TPD52: variants seen among roughly 807,000 people sequenced by gnomAD.
The protein encoded by TPD52 is tumor protein D52, also known as prostate and colon associated protein.
In TPD52, 17 loss-of-function variants were observed where a neutral mutation model predicts 31.3. The observed-to-expected ratio is 0.54, with a 90% confidence interval of 0.37 to 0.82. The LOEUF (loss-of-function observed/expected upper bound fraction) is 0.82. Ranked by LOEUF, TPD52 falls within the 40% of genes least tolerant of loss-of-function variation. The pLI is 0.00. For synonymous variants in TPD52, 83 were observed against 89.6 expected (o/e 0.93, Z 0.42); for missense variants, 212 against 240.1 (o/e 0.88, Z 0.77).
At chr8:80,129,573 T>C (rs921628606) in intron 1 of TPD52, among the ~76,000 whole-genome samples, 3 of 152,214 alleles carry the variant, frequency 2.0e-5, no homozygotes, top group African/African-American at 7.2e-5. Flanking sequence ...TGCATGTTGT[T>C]GTTTTATATT....
At chr8:80,154,003 C>T (rs1029180401) in intron 1 of TPD52, among the ~76,000 whole-genome samples, 4 of 152,328 alleles carry the variant, frequency 2.6e-5, no homozygotes, top group Middle Eastern at 3.4e-3. Flanking sequence ...CCTCCCTATG[C>T]GCCCTTTCAC....
intron 1 of TPD52, among the ~76,000 whole-genome samples, chr8:80,107,094 G>A (rs1043795598): frequency 6.6e-6 from 1 of 151,546 alleles, no homozygotes; most frequent in African/African-American, 2.4e-5. Flanking sequence ...CTCGTGATCC[G>A]CCCACCTCAG....
In TPD52 at chr8:80,107,864, G is replaced by A. The variant is rs73691179; in HGVS notation, c.20-43271C>T. 3.6e-3 allele frequency among the ~76,000 whole-genome samples: 549 copies of A among 152,112 alleles called. 2 individuals carry two copies. Among genetic ancestry groups the A allele is most frequent in the African/African-American group, 0.012 (511 of 41,502 alleles). On this transcript the variant is annotated intron_variant, in intron 1 of 7. Transcript: ENST00000518937. The stretch of plus-strand genomic sequence containing the variant: ...TTCTCAGAATTCTCAAGTTTTTCCT[G>A]GGTTGCTGGTTAGACAGATTGGTGT...
intron 1 of TPD52, chr8:80,158,642 CA>C (rs534071979): frequency 1.2e-3 from 180 of 144,226 alleles, no homozygotes; most frequent in Non-Finnish European, 1.6e-3. Context: ...AACCCTGTCT[CA>C]AAAAAAAAAA....
chr8:80,162,609 A>G (rs1368723866), intron 1 of TPD52, among the ~76,000 whole-genome samples: 3 of 151,296 alleles, frequency 2.0e-5, no homozygotes, highest in Admixed American at 6.6e-5. Flanking sequence ...GACAAAAGAG[A>G]AAGACTCAAT....
In TPD52 at chr8:80,171,544, G is replaced by T; in HGVS notation, c.-101C>A. ...CCGCGCAGAGCTCCTCCTCGCCTCC[G>T]CCGGCGACTCCCGCGAAGTCCCCAC... On this transcript the variant is annotated 5_prime_UTR_variant, in exon 1 of 8. Transcript: ENST00000518937. 2.2e-6 allele frequency: 3 copies of T among 1,376,934 alleles called. No homozygotes were observed. The highest frequency in any genetic ancestry group is 2.8e-6 in the Non-Finnish European group (3 of 1,068,208). 85.3% of individuals were successfully genotyped at this position (1,376,934 alleles called of 1,614,324 possible). A position where few individuals can be genotyped will look rare whatever the true frequency, so the allele number is the denominator to read the frequency against.
At chr8:80,137,205 A>G (rs921480559) in intron 1 of TPD52, among the ~76,000 whole-genome samples, 3 of 152,214 alleles carry the variant, frequency 2.0e-5, no homozygotes, top group Non-Finnish European at 4.4e-5. Flanking sequence ...GCCTGCGGGC[A>G]CGGGATGTGG....
At chr8:80,165,023 C>T (rs536389496) in intron 1 of TPD52, among the ~76,000 whole-genome samples, 7 of 146,056 alleles carry the variant, frequency 4.8e-5, no homozygotes, top group African/African-American at 1.3e-4. Context: ...ATCTCATAAA[C>T]GGGGTACATT....
chr8:80,046,646 C>T (rs1810881378), intron 5 of TPD52, among the ~76,000 whole-genome samples: 1 of 152,052 alleles, frequency 6.6e-6, no homozygotes, highest in South Asian at 2.1e-4. Context: ...CTATAAGGCA[C>T]ATTTTGTTAA....
At chr8:80,056,925 T>C (rs1041285340) in intron 2 of TPD52, among the ~76,000 whole-genome samples, 9 of 152,112 alleles carry the variant, frequency 5.9e-5, no homozygotes, top group South Asian at 2.1e-4. Flanking sequence ...TCCCAGCACT[T>C]TGGGAGGCCA....
intron 1 of TPD52, among the ~76,000 whole-genome samples, chr8:80,113,375 G>C (rs1027271626): frequency 6.6e-6 from 1 of 151,882 alleles, no homozygotes; most frequent in Admixed American, 6.6e-5. Context: ...ACAGTGTGGA[G>C]GATTCTCAAA....
chr8:80,068,230 A>AT (rs956977824), intron 1 of TPD52, among the ~76,000 whole-genome samples: 11 of 151,928 alleles, frequency 7.2e-5, no homozygotes, highest in Non-Finnish European at 1.0e-4. Flanking sequence ...CGAGAGGAGT[A>AT]TTTTTTTTCC....
chr8:80,125,210 G>A (rs1479869044), intron 1 of TPD52, among the ~76,000 whole-genome samples: 10 of 152,294 alleles, frequency 6.6e-5, no homozygotes, highest in East Asian at 1.9e-4. Context: ...AGTGGCTCAC[G>A]CCATAATCCC....
chr8:80,126,648 A>G (rs1808632079), intron 1 of TPD52, among the ~76,000 whole-genome samples: 1 of 151,664 alleles, frequency 6.6e-6, no homozygotes, highest in African/African-American at 2.4e-5. Flanking sequence ...TGCCTAGCCA[A>G]TTTTTGTATT....
At chr8:80,149,494 T>C (rs796401456) in intron 1 of TPD52, among the ~76,000 whole-genome samples, 4 of 152,168 alleles carry the variant, frequency 2.6e-5, no homozygotes. Flanking sequence ...ACTGGTATAG[T>C]GAGGTGCTGC....
At position 80,038,079 on chromosome 8, in the gene TPD52, G is replaced by C. The variant is rs1251000692; in HGVS notation, c.*37C>G. 1.2e-6 allele frequency: 2 copies of C among 1,608,036 alleles called. No individual in the cohort carries two copies. The highest frequency in any genetic ancestry group is 3.4e-5 in the Admixed American group (2 of 59,692). The stretch of plus-strand genomic sequence containing the variant: ...AAGATGTGCTTGGACCTCGCTTGCA[G>C]CATCTGGCAGTGGGTAGCAGAACAA... On this transcript the variant is annotated 3_prime_UTR_variant, in exon 8 of 8. Coordinates refer to ENST00000518937, the MANE Select transcript of TPD52 (RefSeq NM_001025253.3).
intron 5 of TPD52, among the ~76,000 whole-genome samples, chr8:80,044,660 C>T (rs754480568): frequency 2.8e-4 from 42 of 152,192 alleles, no homozygotes; most frequent in African/African-American, 7.0e-4. Flanking sequence ...GAGGCAACTG[C>T]CCACTCAAGG....
At chr8:80,154,606 A>C (rs1358388291) in intron 1 of TPD52, among the ~76,000 whole-genome samples, 1 of 152,138 alleles carries the variant, frequency 6.6e-6, no homozygotes, top group East Asian at 1.9e-4. Context: ...TCAGCCCAAA[A>C]TTCATACAGA....
chr8:80,041,240 A>C (rs1810356300), intron 7 of TPD52, among the ~76,000 whole-genome samples: 1 of 152,182 alleles, frequency 6.6e-6, no homozygotes, highest in Non-Finnish European at 1.5e-5. Flanking sequence ...GTGTATACCT[A>C]TGTAACAAGC....
Sources: gnomAD v4.1 joint callset for allele counts (sites outside exome capture counted in the v4.1 genomes callset) on GRCh38, gnomAD v4.1.1 for gene constraint, MANE v1.5 for transcripts, NCBI Gene and HGNC (gene_info 2026-07-23, HGNC 2026-07-21) for gene names.